The following PPP2R2B variants were observed in gnomAD, a reference collection of about 807,000 sequenced individuals.
PPP2R2B encodes the protein serine/threonine-protein phosphatase 2A 55 kDa regulatory subunit B beta isoform.
In PPP2R2B, 5 loss-of-function variants were observed where a neutral mutation model predicts 46.0. That is an observed-to-expected ratio of 0.11 (90% confidence interval 0.06 to 0.23). PPP2R2B has a LOEUF of 0.23. Ranked by LOEUF, PPP2R2B falls within the 10% of genes least tolerant of loss-of-function variation. The probability of loss-of-function intolerance (pLI) is 1.00; values close to 1 mark genes in which losing one functional copy is unlikely to be tolerated. For missense variants in PPP2R2B, 367 were observed against 575.0 expected, an observed-to-expected ratio of 0.64 and a Z score of 3.70; for synonymous variants, 215 against 206.7, an observed-to-expected ratio of 1.04 and a Z score of -0.34.
upstream of PPP2R2B, among the ~76,000 whole-genome samples, chr5:146,880,179 T>TTGTGTGTGTGTGTGTG (rs57151657): frequency 1.4e-5 from 2 of 138,158 alleles, no homozygotes; most frequent in Admixed American, 7.2e-5. Flanking sequence ...CATAGTTATT[T>TTGTGTGTGTGTGTGTG]TGTGTGTGTG....
chr5:146,707,596 C>CT, intron 2 of PPP2R2B: 1 of 672,032 alleles, frequency 1.5e-6, no homozygotes. Flanking sequence ...CCCTGATGGA[C>CT]ATGGTGGAGG....
At chr5:147,020,914 A>G (rs1755230461) in intron 1 of PPP2R2B, among the ~76,000 whole-genome samples, 1 of 152,114 alleles carries the variant, frequency 6.6e-6, no homozygotes, top group Non-Finnish European at 1.5e-5. Flanking sequence ...GTATAACTAA[A>G]TTTTCCAGGT....
chr5:146,994,436 G>A (rs1034892087), intron 1 of PPP2R2B, among the ~76,000 whole-genome samples: 1 of 152,100 alleles, frequency 6.6e-6, no homozygotes, highest in African/African-American at 2.4e-5. Flanking sequence ...GACGATCCCA[G>A]GAAATATTGG....
chr5:146,991,696 T>C (rs1753705693), intron 1 of PPP2R2B, among the ~76,000 whole-genome samples: 1 of 151,110 alleles, frequency 6.6e-6, no homozygotes, highest in Non-Finnish European at 1.5e-5. Flanking sequence ...ACTCCCTAAA[T>C]ATGTACAATT....
chr5:146,896,422 A>G (rs1762646371), intron 1 of PPP2R2B, among the ~76,000 whole-genome samples: 1 of 152,220 alleles, frequency 6.6e-6, no homozygotes, highest in South Asian at 2.1e-4. Flanking sequence ...GACTCTACTC[A>G]ATAATGATTC....
intron 1 of PPP2R2B, among the ~76,000 whole-genome samples, chr5:146,998,966 A>C (rs190625395): frequency 0.029 from 4,320 of 146,614 alleles, 97 homozygotes; most frequent in Middle Eastern, 0.05. Flanking sequence ...GTGAGCAGAG[A>C]TCAAGCCACT....
chr5:146,737,151 G>T (rs114236469), intron 2 of PPP2R2B, among the ~76,000 whole-genome samples: 3 of 152,086 alleles, frequency 2.0e-5, no homozygotes, highest in Non-Finnish European at 4.4e-5. Context: ...CATTTCAAGG[G>T]TTCAGTAGCT....
At chr5:146,627,242 A>C (rs746166899) in intron 7 of PPP2R2B, among the ~76,000 whole-genome samples, 1 of 152,228 alleles carries the variant, frequency 6.6e-6, no homozygotes, top group Non-Finnish European at 1.5e-5. Context: ...GCTCCCCTGA[A>C]ATAAATACTG....
intron 1 of PPP2R2B, among the ~76,000 whole-genome samples, chr5:146,910,471 C>T (rs1458700903): frequency 6.6e-6 from 1 of 152,170 alleles, no homozygotes; most frequent in Non-Finnish European, 1.5e-5. Context: ...CAGTGAATAC[C>T]TTTATCCTTA....
intron 1 of PPP2R2B, among the ~76,000 whole-genome samples, chr5:146,938,856 C>A (rs1257943296): frequency 7.1e-6 from 1 of 140,618 alleles, no homozygotes; most frequent in African/African-American, 2.7e-5. Context: ...TCTCAGCTCA[C>A]TGCAACCTCC....
chr5:146,702,335 A>C (rs1179342998), intron 2 of PPP2R2B, among the ~76,000 whole-genome samples: 1 of 152,172 alleles, frequency 6.6e-6, no homozygotes, highest in African/African-American at 2.4e-5. Flanking sequence ...ATGGTCATTC[A>C]TTGTGCAGAA....
chr5:146,929,576 T>C (rs1039931937), intron 1 of PPP2R2B, among the ~76,000 whole-genome samples: 2 of 152,130 alleles, frequency 1.3e-5, no homozygotes, highest in Non-Finnish European at 2.9e-5. Context: ...AATATACTTA[T>C]CTTGGTCAAT....
chr5:146,827,305 A>G (rs1218615747), intron 2 of PPP2R2B, among the ~76,000 whole-genome samples: 1 of 152,220 alleles, frequency 6.6e-6, no homozygotes. Context: ...TCAAAGTACC[A>G]TTGGGAGATT....
At chr5:147,027,452 G>A (rs1755577963) in intron 1 of PPP2R2B, among the ~76,000 whole-genome samples, 1 of 152,090 alleles carries the variant, frequency 6.6e-6, no homozygotes, top group Admixed American at 6.5e-5. Context: ...GGCCAACATG[G>A]TGACACCTCG....
intron 2 of PPP2R2B, among the ~76,000 whole-genome samples, chr5:146,852,502 G>A (rs147956784): frequency 2.0e-5 from 3 of 152,182 alleles, no homozygotes; most frequent in East Asian, 3.9e-4. Context: ...ATCAGGCCAC[G>A]AGCAGGACTT....
rs552420730 is a variant in PPP2R2B at position 146,728,272 on chromosome 5, T to G, written c.71-27130A>C. On this transcript the variant is annotated intron_variant, in intron 2 of 9. Coordinates refer to ENST00000394411, the MANE Select transcript of PPP2R2B (RefSeq NM_181675.4). ...CAGAATCAGGAAGGGGAAAAATGTT[T>G]TCTTCTCAGTATTATCCATTCCACT... Among the ~76,000 whole-genome samples, 3 of 152,172 alleles carry G rather than the reference T, an allele frequency of 2.0e-5. No individual in the cohort carries two copies. In the East Asian group the frequency reaches 5.8e-4, roughly 29 times the overall value.
At chr5:146,721,519 C>A (rs1196817301) in intron 2 of PPP2R2B, among the ~76,000 whole-genome samples, 1 of 152,206 alleles carries the variant, frequency 6.6e-6, no homozygotes, top group Non-Finnish European at 1.5e-5. Flanking sequence ...TCCTGGCACT[C>A]TCCCAACATG....
intron 1 of PPP2R2B, among the ~76,000 whole-genome samples, chr5:146,965,925 C>T (rs757238720): frequency 6.6e-6 from 1 of 152,306 alleles, no homozygotes; most frequent in African/African-American, 2.4e-5. Context: ...AAGTGGGAAT[C>T]GTACGACTCA....
chr5:146,700,919 T>C (rs1779496604), intron 3 of PPP2R2B, 126 bp downstream of exon 3: 3 of 826,078 alleles, frequency 3.6e-6, no homozygotes, highest in Non-Finnish European at 6.0e-6. Context: ...TTAATGACTT[T>C]TTTGGCAGTT....
Sources: gnomAD v4.1 joint callset for allele counts (sites outside exome capture counted in the v4.1 genomes callset) on GRCh38, gnomAD v4.1.1 for gene constraint, MANE v1.5 for transcripts, NCBI Gene and HGNC (gene_info 2026-07-23, HGNC 2026-07-21) for gene names.